Variants in CEP290 observed in about 807,000 individuals in gnomAD.
CEP290 encodes centrosomal protein 290, also known as centrosomal protein of 290 kDa.
Under a neutral mutation model 344.9 loss-of-function variants are expected in CEP290, and 317 were observed. That is an observed-to-expected ratio of 0.92 (90% CI 0.84 to 1.01). The LOEUF (loss-of-function observed/expected upper bound fraction) is 1.01. Ranked by LOEUF, CEP290 falls within the 50% of genes least tolerant of loss-of-function variation. The pLI is 0.00. For missense variants in CEP290, 2,754 were observed against 2,761.4 expected (o/e 1.00, Z 0.06); for synonymous variants, 932 against 895.8 (o/e 1.04, Z -0.72).
At chr12:88,108,408 T>C (rs933870846) in intron 23 of CEP290, among the ~76,000 whole-genome samples, 1 of 152,256 alleles carries the variant, frequency 6.6e-6, no homozygotes, top group Non-Finnish European at 1.5e-5. Context: ...GCAGCTATTT[T>C]ACAACCATCA....
intron 46 of CEP290, among the ~76,000 whole-genome samples, chr12:88,062,030 C>T (rs1396935817): frequency 1.3e-5 from 2 of 152,152 alleles, no homozygotes; most frequent in African/African-American, 4.8e-5. Flanking sequence ...CTGCCCGCCT[C>T]GGCCTCCCAA....
At chr12:88,129,227 T>C (rs2039923566) in intron 10 of CEP290, among the ~76,000 whole-genome samples, 192 bp from the exon 11 acceptor site, 1 of 151,932 alleles carries the variant, frequency 6.6e-6, no homozygotes, top group Non-Finnish European at 1.5e-5. Context: ...CATCCTGGAA[T>C]TATAGGTGAC....
At chr12:88,125,199 T>C (rs1165001085) in intron 13 of CEP290, 47 bp downstream of exon 13, 1 of 577,242 alleles carries the variant, frequency 1.7e-6, no homozygotes, top group Non-Finnish European at 2.6e-6. Context: ...AATAAAGTCG[T>C]TAAAAACATA....
At chr12:88,117,943 C>T (rs2039155044) in intron 17 of CEP290, among the ~76,000 whole-genome samples, 1 of 151,796 alleles carries the variant, frequency 6.6e-6, no homozygotes, top group African/African-American at 2.4e-5. Flanking sequence ...GGCTGAAGCA[C>T]AAGAATCACT....
chr12:88,101,514 T>C (rs1350584988), intron 26 of CEP290, among the ~76,000 whole-genome samples: 2 of 144,194 alleles, frequency 1.4e-5, no homozygotes, highest in Non-Finnish European at 3.0e-5. Context: ...AATTAGCTGG[T>C]GTGGTGGTGC....
At position 88,092,833 on chromosome 12, in the gene CEP290, C is replaced by T. The variant is rs369935020; in HGVS notation, c.3310-1G>A. 18 of 1,608,272 alleles carry T rather than the reference C, an allele frequency of 1.1e-5. No individual in the cohort carries two copies. Among genetic ancestry groups the T allele is most frequent in the Non-Finnish European group, 1.5e-5 (18 of 1,178,236 alleles). On this transcript the variant is annotated splice_acceptor_variant, in intron 28 of 53. Coordinates refer to ENST00000552810, the MANE Select transcript of CEP290 (RefSeq NM_025114.4). LOFTEE classifies it high-confidence loss of function. ...GTGCATCCAAATTGATTTTGGTAAG[C>T]TAAGGAAATGTAACAAAAAATGTTC... is the stretch of plus-strand genomic sequence containing the variant.
chr12:88,138,987 G>A (rs530311113), intron 5 of CEP290, among the ~76,000 whole-genome samples, 158 bp downstream of exon 5: 1 of 151,956 alleles, frequency 6.6e-6, no homozygotes, highest in African/African-American at 2.4e-5. Flanking sequence ...TACTATATAA[G>A]GCACATAATA....
rs753884656 is a variant in CEP290, at chr12:88,092,761, G to C, written c.3381C>G (p.Ser1127Arg). The C allele has an allele frequency of 1.2e-6, 2 of 1,609,638 alleles. No homozygotes were observed. The highest frequency in any genetic ancestry group is 1.7e-6 in the Non-Finnish European group (2 of 1,178,050). Residue 1127 changes from serine to arginine, a missense_variant, in exon 29 of 54, where the codon AGC becomes AGG. By Grantham distance (110) the Ser-to-Arg change is moderately radical. Transcript: ENST00000552810. ...GCCTATCAGCATCACTTACTGCCTT[G>C]CTCACACTATCAGCTAATTCATCTC... ...MLRDELADSV[S>R]KAVSDADRQR...
At chr12:88,101,911 T>G (rs1016277812) in intron 26 of CEP290, among the ~76,000 whole-genome samples, 2 of 152,204 alleles carry the variant, frequency 1.3e-5, no homozygotes, top group African/African-American at 4.8e-5. Context: ...GCAAACTGAT[T>G]ATGATTACTT....
intron 31 of CEP290, among the ~76,000 whole-genome samples, chr12:88,088,451 T>A (rs1017371507): frequency 6.6e-6 from 1 of 150,536 alleles, no homozygotes; most frequent in African/African-American, 2.5e-5. Flanking sequence ...ATATAATAAT[T>A]AGTGTTTAAT....
At chr12:88,126,080 A>G (rs954313882) in intron 12 of CEP290, among the ~76,000 whole-genome samples, 2 of 152,106 alleles carry the variant, frequency 1.3e-5, no homozygotes, top group African/African-American at 4.8e-5. Context: ...TACTATCCAC[A>G]TAAACATAGA....
intron 33 of CEP290, 96 bp from the exon 34 acceptor site, chr12:88,086,269 C>T (rs1303886437): frequency 5.4e-6 from 8 of 1,471,978 alleles, no homozygotes; most frequent in South Asian, 3.9e-5. Flanking sequence ...GATTAAACCC[C>T]TCTTATATTT....
In CEP290 at chr12:88,136,659, TTC is replaced by T. The variant is rs1418567294; in HGVS notation, c.423_424del (p.Lys142GlufsTer3). The T allele has an allele frequency of 1.2e-6, 2 of 1,613,622 alleles. No homozygotes were observed. The highest frequency in any genetic ancestry group is 8.5e-7 in the Non-Finnish European group (1 of 1,179,748). ...GTGCTTTACTTGCTCATTAACTTTCTTCTCTTTCTCCAACTCCTTTTCCATGT... is the reference window on the plus strand; with the variant it reads ...GTGCTTTACTTGCTCATTAACTTTCTTCTTTCTCCAACTCCTTTTCCATGT... On this transcript the variant is annotated frameshift_variant, in exon 6 of 54. Coordinates refer to ENST00000552810, the MANE Select transcript of CEP290 (RefSeq NM_025114.4). LOFTEE classifies it high-confidence loss of function.
intron 32 of CEP290, among the ~76,000 whole-genome samples, chr12:88,086,845 T>C (rs2036620497): frequency 1.3e-5 from 2 of 152,208 alleles, no homozygotes; most frequent in East Asian, 1.9e-4. Flanking sequence ...CCACGGAACT[T>C]GCATTCTGGC....
chr12:88,091,573 G>A (rs2037045508), intron 29 of CEP290, among the ~76,000 whole-genome samples: 1 of 152,006 alleles, frequency 6.6e-6, no homozygotes, highest in South Asian at 2.1e-4. Context: ...CTGATGAGAG[G>A]CTCTCATTGC....
chr12:88,111,431 G>T lies in CEP290; in HGVS notation c.2218-80C>A, dbSNP rs540209301. ...AAATTGACAGATATGTGAATGCCCT[G>T]CCAGGAATTTTACCTCAACCATACT... On this transcript the variant is annotated intron_variant, in intron 21 of 53. Transcript: ENST00000552810. 109 of 1,329,558 alleles carry T rather than the reference G, an allele frequency of 8.2e-5. 1 individual carries two copies. Among genetic ancestry groups the T allele is most frequent in the South Asian group, 1.3e-4 (8 of 63,976 alleles). 82.4% of individuals were successfully genotyped at this position (1,329,558 alleles called of 1,614,324 possible).
intron 26 of CEP290, among the ~76,000 whole-genome samples, chr12:88,100,281 C>A (rs1274111918): frequency 6.6e-6 from 1 of 151,320 alleles, no homozygotes. Context: ...AAAAAAAAAA[C>A]AACAAAAAAA....
intron 45 of CEP290, 87 bp downstream of exon 45, chr12:88,063,894 C>T: frequency 1.8e-6 from 2 of 1,142,274 alleles, no homozygotes; most frequent in Admixed American, 2.9e-5. Flanking sequence ...GCATTTTTGA[C>T]TTCTTAATAA....
chr12:88,121,984 T>C (rs2039432315), intron 13 of CEP290, among the ~76,000 whole-genome samples: 1 of 152,180 alleles, frequency 6.6e-6, no homozygotes, highest in African/African-American at 2.4e-5. Flanking sequence ...GACCAAAACA[T>C]AATATTGCTA....
Sources: allele counts gnomAD v4.1 joint callset (sites outside exome capture counted in the v4.1 genomes callset), GRCh38; gene constraint gnomAD v4.1.1; transcripts MANE v1.5; gene names NCBI Gene and HGNC (gene_info 2026-07-23, HGNC 2026-07-21).